PDE3B: variants seen among roughly 807,000 people sequenced by gnomAD.
PDE3B encodes the protein phosphodiesterase 3B.
A neutral mutation model predicts 116.8 loss-of-function variants in PDE3B; 66 were observed. The ratio of observed to expected loss-of-function variants is 0.56; its 90% confidence interval spans 0.46 to 0.69. PDE3B has a LOEUF of 0.69. PDE3B is among the 30% of genes least tolerant of loss of function. The pLI, the probability that PDE3B is intolerant of heterozygous loss-of-function variation, is 0.00. For missense variants in PDE3B, 1,384 were observed against 1,368.1 expected, an observed-to-expected ratio of 1.01 and a Z score of -0.18; for synonymous variants, 595 against 533.6, an observed-to-expected ratio of 1.12 and a Z score of -1.59.
At chr11:14,880,520 C>T in the PDE3B span, 14 of 1,613,366 alleles carry the variant, frequency 8.7e-6, no homozygotes, top group African/African-American at 4.0e-5. Flanking sequence ...TGCTGAAAAT[C>T]GGTGTCTTCA....
chr11:14,852,064 TG>T, intron 12 of PDE3B, among the ~76,000 whole-genome samples: 1 of 152,338 alleles, frequency 6.6e-6, no homozygotes, highest in African/African-American at 2.4e-5. Context: ...TGTTTTGCTT[TG>T]TTTTGTTTTG....
At chr11:14,736,337 G>A (rs1189063462) in intron 1 of PDE3B, among the ~76,000 whole-genome samples, 4 of 152,168 alleles carry the variant, frequency 2.6e-5, no homozygotes, top group Admixed American at 2.6e-4. Flanking sequence ...GTGTTTTGGG[G>A]GTTTTCTGTG....
intron 1 of PDE3B, among the ~76,000 whole-genome samples, chr11:14,671,024 T>G (rs1455821662): frequency 6.6e-6 from 1 of 152,130 alleles, no homozygotes; most frequent in Non-Finnish European, 1.5e-5. Flanking sequence ...CAATATTTAT[T>G]GAGCACATAC....
chr11:14,670,489 A>C (rs1395174327), intron 1 of PDE3B, among the ~76,000 whole-genome samples: 1 of 152,146 alleles, frequency 6.6e-6, no homozygotes, highest in African/African-American at 2.4e-5. Context: ...AATCAGGAGT[A>C]ATGTGTATAA....
chr11:14,758,770 G>C (rs1288251921), intron 1 of PDE3B, among the ~76,000 whole-genome samples: 1 of 151,672 alleles, frequency 6.6e-6, no homozygotes, highest in Admixed American at 6.6e-5. Context: ...TCCTTCTCCT[G>C]CCTAATTGTC....
chr11:14,714,906 C>A lies in PDE3B; in HGVS notation c.979-57031C>A, dbSNP rs527872963. Among the ~76,000 whole-genome samples, 80 of 152,186 alleles carry A rather than the reference C, an allele frequency of 5.3e-4. 1 individual carries two copies. Among genetic ancestry groups the A allele is most frequent in the African/African-American group, 1.9e-3 (79 of 41,536 alleles). On this transcript the variant is annotated intron_variant, in intron 1 of 15. Coordinates refer to ENST00000282096, the MANE Select transcript of PDE3B (RefSeq NM_000922.4). The stretch of plus-strand genomic sequence containing the variant: ...GCTCTCTGGTGTTGAGAAGGGCTGA[C>A]CAAGCAGTATTTTCACTCATATTTA...
At chr11:14,653,270 G>A (rs1210185850) in intron 1 of PDE3B, among the ~76,000 whole-genome samples, 1 of 152,078 alleles carries the variant, frequency 6.6e-6, no homozygotes, top group African/African-American at 2.4e-5. Flanking sequence ...TTGGCCTCAG[G>A]TTGGCAATGT....
chr11:14,815,640 T>C (rs908656401), intron 5 of PDE3B, among the ~76,000 whole-genome samples: 1 of 152,188 alleles, frequency 6.6e-6, no homozygotes, highest in African/African-American at 2.4e-5. Context: ...AACATAATCA[T>C]AGGGGTGACA....
At chr11:14,694,835 T>C (rs1157061539) in intron 1 of PDE3B, among the ~76,000 whole-genome samples, 1 of 152,220 alleles carries the variant, frequency 6.6e-6, no homozygotes, top group Non-Finnish European at 1.5e-5. Flanking sequence ...TTTCTGTAGA[T>C]ACCTCCAAAT....
chr11:14,705,469 G>C (rs1565099710), intron 1 of PDE3B, among the ~76,000 whole-genome samples: 1 of 151,804 alleles, frequency 6.6e-6, no homozygotes, highest in East Asian at 1.9e-4. Flanking sequence ...AAGCAGATCA[G>C]TGACTTGGGG....
At position 14,644,690 on chromosome 11, in the gene PDE3B, G is replaced by A. The variant is rs773529701; in HGVS notation, c.615G>A (p.Gly205=). Residue 205 remains glycine, a synonymous_variant, in exon 1 of 16, where the codon GGG becomes GGA. Transcript: ENST00000282096. The part of the protein sequence containing the change: ...GRLLLVLSCV[G]LLLTLAHPLR... ...TGCTGCTGGTGCTGAGCTGCGTAGG[G>A]CTGCTGCTGACGCTCGCGCACCCGC... 1 of 1,514,808 alleles carries A rather than the reference G, an allele frequency of 6.6e-7. No individual in the cohort carries two copies. 93.8% of individuals were successfully genotyped at this position (1,514,808 alleles called of 1,614,324 possible).
chr11:14,740,942 T>A (rs1856751843), intron 1 of PDE3B, among the ~76,000 whole-genome samples: 1 of 152,212 alleles, frequency 6.6e-6, no homozygotes, highest in Non-Finnish European at 1.5e-5. Context: ...AAGTTCTAAT[T>A]TGATTGCACT....
the PDE3B span, among the ~76,000 whole-genome samples, chr11:14,898,756 G>A: frequency 6.6e-6 from 1 of 151,886 alleles, no homozygotes; most frequent in East Asian, 1.9e-4. Context: ...TCAACTGTGT[G>A]AGAGTGAGTA....
rs1422634167 is a variant in PDE3B, at chr11:14,669,671, C to A, written c.978+24618C>A. Among the ~76,000 whole-genome samples, 3 of 144,732 alleles carry A rather than the reference C, an allele frequency of 2.1e-5. 1 individual carries two copies. The Middle Eastern group carries it at 0.011, about 510-fold the overall frequency. The allele number at this position is 144,732 out of a possible 152,430, so 94.9% of individuals were successfully genotyped here. ...GTTCCCCACCCTGTGTCCAAGTGTT[C>A]TCACTATCCAATTCCCACCTATGAG... On this transcript the variant is annotated intron_variant, in intron 1 of 15. Coordinates refer to ENST00000282096, the MANE Select transcript of PDE3B (RefSeq NM_000922.4).
intron 1 of PDE3B, among the ~76,000 whole-genome samples, chr11:14,712,406 G>A (rs1316246890): frequency 3.4e-5 from 5 of 146,236 alleles, no homozygotes; most frequent in African/African-American, 1.0e-4. Flanking sequence ...TTTGAGGTGC[G>A]TTAAATATTT....
intron 1 of PDE3B, among the ~76,000 whole-genome samples, chr11:14,724,298 A>G (rs559949249): frequency 5.5e-4 from 83 of 152,290 alleles, no homozygotes; most frequent in African/African-American, 1.9e-3. Flanking sequence ...TATTAAGGGT[A>G]CAGAACATTA....
At chr11:14,729,435 C>T (rs1297823777) in intron 1 of PDE3B, among the ~76,000 whole-genome samples, 1 of 152,190 alleles carries the variant, frequency 6.6e-6, no homozygotes, top group African/African-American at 2.4e-5. Context: ...TGCAGTTTCT[C>T]AAATTTCTTC....
intron 10 of PDE3B, among the ~76,000 whole-genome samples, chr11:14,833,563 CATCT>C (rs1449451902): frequency 6.6e-6 from 1 of 152,026 alleles, no homozygotes; most frequent in East Asian, 1.9e-4. Context: ...TAAAATTGAT[CATCT>C]AATTTCAGTT....
intron 4 of PDE3B, among the ~76,000 whole-genome samples, chr11:14,802,161 C>A (rs1172896692): frequency 6.6e-6 from 1 of 152,160 alleles, no homozygotes; most frequent in African/African-American, 2.4e-5. Context: ...TGCTGGCGTT[C>A]CAGGTGCCCC....
Sources: allele counts gnomAD v4.1 joint callset (sites outside exome capture counted in the v4.1 genomes callset), GRCh38; gene constraint gnomAD v4.1.1; transcripts MANE v1.5; gene names NCBI Gene and HGNC (gene_info 2026-07-23, HGNC 2026-07-21).